The following ARRB2 variants were observed in gnomAD, a reference collection of about 807,000 sequenced individuals.
ARRB2 encodes the protein beta-arrestin-2.
In ARRB2, 21 loss-of-function variants were observed where a neutral mutation model predicts 53.4. The ratio of observed to expected loss-of-function variants is 0.39; its 90% CI spans 0.28 to 0.57. The LOEUF (loss-of-function observed/expected upper bound fraction) is 0.57. Ranked by LOEUF, ARRB2 falls within the 20% of genes least tolerant of loss-of-function variation. The pLI is 0.55. For missense variants in ARRB2, 369 were observed against 527.5 expected, an observed-to-expected ratio of 0.70 and a Z score of 2.94; for synonymous variants, 180 against 212.9, an observed-to-expected ratio of 0.85 and a Z score of 1.34.
intron 1 of ARRB2, among the ~76,000 whole-genome samples, chr17:4,712,988 ATTT>A (rs1374032894): frequency 1.1e-4 from 16 of 152,224 alleles, no homozygotes; most frequent in South Asian, 6.2e-4. Context: ...TAATTAATTT[ATTT>A]ATTTATTTAT....
intron 8 of ARRB2, 83 bp from the exon 9 acceptor site, chr17:4,718,178 C>A (rs1025123309): frequency 1.7e-5 from 26 of 1,545,580 alleles, no homozygotes; most frequent in Admixed American, 1.5e-4. Flanking sequence ...GGGGCCAGAA[C>A]AATGTGTCTG....
In ARRB2 at chr17:4,717,997, C is replaced by A; in HGVS notation, c.595C>A (p.His199Asn). 6.2e-7 allele frequency: 1 copy of A among 1,613,608 alleles called. No homozygotes were observed. The highest frequency in any genetic ancestry group is 8.5e-7 in the Non-Finnish European group (1 of 1,180,024). The change falls in exon 8 of 15, where the codon CAC becomes AAC. Residue 199 changes from histidine to asparagine, a missense_variant. Transcript: ENST00000269260. This position sits in a 1 kb window ranked among gnomAD's most constrained non-coding sequence, Gnocchi z 6.0. ...CTTCCTCATGTCTGACCGGTCCCTG[C>A]ACCTCGAGGCTTCCCTGGACAAGGA... ...RHFLMSDRSL[H>N]LEASLDKELY...
intron 9 of ARRB2, 103 bp downstream of exon 9, chr17:4,718,448 AC>A: frequency 7.3e-7 from 1 of 1,365,324 alleles, no homozygotes. Flanking sequence ...CGGGAGACCC[AC>A]CAGGGCTCAA....
intron 9 of ARRB2, 78 bp downstream of exon 9, chr17:4,718,423 G>T: frequency 1.3e-6 from 2 of 1,503,916 alleles, no homozygotes; most frequent in Non-Finnish European, 1.8e-6. Flanking sequence ...TCTCAGCCCA[G>T]GCCATTTCCC....
At chr17:4,715,086 C>G in intron 2 of ARRB2, 43 bp downstream of exon 2, 3 of 1,588,414 alleles carry the variant, frequency 1.9e-6, no homozygotes, top group African/African-American at 2.7e-5. Flanking sequence ...TCCCTGGGCC[C>G]CAACAAAGCC....
chr17:4,712,622 G>A (rs914234325), intron 1 of ARRB2, among the ~76,000 whole-genome samples: 1 of 152,354 alleles, frequency 6.6e-6, no homozygotes, highest in Admixed American at 6.5e-5. Context: ...GAGGCAGAGT[G>A]GATTGGAAGG....
In ARRB2 at chr17:4,719,388, G is replaced by A. The variant is rs763448737; in HGVS notation, c.885G>A (p.Lys295=). The A allele has an allele frequency of 1.2e-6, 2 of 1,614,144 alleles. No individual in the cohort carries two copies. Among genetic ancestry groups the A allele is most frequent in the Non-Finnish European group, 8.5e-7 (1 of 1,180,018 alleles). The change falls in exon 11 of 15, where the codon AAG becomes AAA. Residue 295 remains lysine (K), a synonymous_variant. Transcript: ENST00000269260. ...GTCTCGCCCTGGATGGGAAACTCAAGCACGAGGACACCAACCTGGCTTCCA... is the reference window on the plus strand; with the variant it reads ...GTCTCGCCCTGGATGGGAAACTCAAACACGAGGACACCAACCTGGCTTCCA... The part of the protein sequence containing the change: ...KRGLALDGKL[K]HEDTNLASST...
At chr17:4,711,637 A>C (rs1914422859) in intron 1 of ARRB2, among the ~76,000 whole-genome samples, 1 of 151,928 alleles carries the variant, frequency 6.6e-6, no homozygotes, top group Middle Eastern at 3.4e-3. Context: ...GAGTATGAGA[A>C]CCCGGGTTTC....
At chr17:4,715,578 C>CACACAT (rs1914912131) in intron 2 of ARRB2, 2 of 319,420 alleles carry the variant, frequency 6.3e-6, no homozygotes, top group South Asian at 6.0e-5. Context: ...GACACACACA[C>CACACAT]ACACACACGG....
chr17:4,712,593 C>T (rs780401003), intron 1 of ARRB2, among the ~76,000 whole-genome samples: 6 of 152,236 alleles, frequency 3.9e-5, no homozygotes, highest in Non-Finnish European at 8.8e-5. Context: ...TCTGAGGATC[C>T]TTTCCAGGGA....
chr17:4,712,602 G>C (rs989880303), intron 1 of ARRB2, among the ~76,000 whole-genome samples: 1 of 152,230 alleles, frequency 6.6e-6, no homozygotes, highest in Non-Finnish European at 1.5e-5. Flanking sequence ...CCTTTCCAGG[G>C]ATCACTGCTG....
rs781739413 is a variant in ARRB2, at chr17:4,716,563, G to A, written c.312G>A (p.Arg104=). 4.1e-6 allele frequency: 6 copies of A among 1,448,018 alleles called. No homozygotes were observed. Among genetic ancestry groups the A allele is most frequent in the Non-Finnish European group, 5.6e-6 (6 of 1,081,070 alleles). The allele number at this position is 1,448,018 out of a possible 1,614,324, so 89.7% of individuals were successfully genotyped here. The change falls in exon 5 of 15, where the codon CGG becomes CGA. Residue 104 remains arginine, a synonymous_variant. Transcript: ENST00000269260. ...GGCCCCCCACCCGCCTGCAGGACCG[G>A]CTGCTGAGGAAGCTGGGCCAGCATG... is the stretch of plus-strand genomic sequence containing the variant. ...PPRPPTRLQD[R]LLRKLGQHAH... is the part of the protein sequence containing the mutation.
rs1040930691 is a variant in ARRB2, at chr17:4,710,674, G to A, written c.-48G>A. On this transcript the variant is annotated 5_prime_UTR_variant, in exon 1 of 15. Coordinates refer to ENST00000269260, the MANE Select transcript of ARRB2 (RefSeq NM_004313.4). Reference sequence around the variant, plus strand: ...AGCAGGGATCTTGGCAGCGGGCGAGGAGGCTGCGAGCGAGCCGCGAACCGA... The same window carrying A: ...AGCAGGGATCTTGGCAGCGGGCGAGAAGGCTGCGAGCGAGCCGCGAACCGA... The A allele has an allele frequency of 3.3e-5, 13 of 398,488 alleles. No homozygotes were observed. Among genetic ancestry groups the A allele is most frequent in the Middle Eastern group, 5.8e-4 (1 of 1,732 alleles). The allele number at this position is 398,488 out of a possible 1,614,324, so 24.7% of individuals were successfully genotyped here. A position where few individuals can be genotyped will look rare whatever the true frequency, so the allele number is the denominator to read the frequency against.
Position 4,716,166 on chromosome 17 carries a change from C to T in ARRB2, c.135C>T (p.Asp45=), listed in dbSNP as rs1915008695. 6.2e-7 allele frequency: 1 copy of T among 1,614,022 alleles called. No homozygotes were observed. Among genetic ancestry groups the T allele is most frequent in the Admixed American group, 1.7e-5 (1 of 60,004 alleles). ...TCCTAGATGGCGTGGTGCTTGTGGA[C>T]CCTGACTACCTGAAGGACCGCAAAG... ...VDPVDGVVLV[D]PDYLKDRKVF... The change falls in exon 4 of 15, where the codon GAC becomes GAT. Residue 45 remains aspartate (D), a synonymous_variant. Coordinates refer to ENST00000269260, the MANE Select transcript of ARRB2 (RefSeq NM_004313.4).
Position 4,719,386 on chromosome 17 carries a change from AAGCACGAGG to A in ARRB2, c.885_893del (p.Lys295_Asp298delinsAsn). Reference sequence around the variant, plus strand: ...GGGTCTCGCCCTGGATGGGAAACTCAAGCACGAGGACACCAACCTGGCTTCCAGCACCAT... The same window carrying A: ...GGGTCTCGCCCTGGATGGGAAACTCAACACCAACCTGGCTTCCAGCACCAT... On this transcript the variant is annotated inframe_deletion, in exon 11 of 15. Coordinates refer to ENST00000269260, the MANE Select transcript of ARRB2 (RefSeq NM_004313.4). 1 of 1,614,096 alleles carries A rather than the reference AAGCACGAGG, an allele frequency of 6.2e-7. No individual in the cohort carries two copies. Among genetic ancestry groups the A allele is most frequent in the Non-Finnish European group, 8.5e-7 (1 of 1,180,004 alleles).
chr17:4,712,426 A>G (rs1266246329), intron 1 of ARRB2, among the ~76,000 whole-genome samples: 1 of 152,206 alleles, frequency 6.6e-6, no homozygotes, highest in Non-Finnish European at 1.5e-5. Flanking sequence ...TTGCTCTCCT[A>G]TATGCTCCAG....
At chr17:4,715,889 C>T in intron 2 of ARRB2, 84 bp from the exon 3 acceptor site, 1 of 1,510,770 alleles carries the variant, frequency 6.6e-7, no homozygotes, top group Admixed American at 1.7e-5. Context: ...CTGGAGATCC[C>T]CGGGCAGGGC....
chr17:4,718,647 G>T lies in ARRB2; in HGVS notation c.742G>T (p.Ala248Ser). The change falls in exon 10 of 15, where the codon GCC (alanine) becomes TCC (serine). Residue 248 changes from alanine to serine, a missense_variant. Physicochemically the swap from Ala to Ser is moderately conservative, Grantham distance 99. Transcript: ENST00000269260. Reference protein sequence around the residue: ...QYADICLFSTAQYKCPVAQLE... With the variant: ...QYADICLFSTSQYKCPVAQLE... Reference sequence around the variant, plus strand: ...CGCCGACATCTGCCTCTTCAGCACCGCCCAGTACAAGTGTCCTGTGGCTCA... The same window carrying T: ...CGCCGACATCTGCCTCTTCAGCACCTCCCAGTACAAGTGTCCTGTGGCTCA... 6.2e-7 allele frequency: 1 copy of T among 1,613,726 alleles called. No individual in the cohort carries two copies. Among genetic ancestry groups the T allele is most frequent in the Non-Finnish European group, 8.5e-7 (1 of 1,179,978 alleles).
At chr17:4,720,149 G>A in intron 11 of ARRB2, 67 bp from the exon 12 acceptor site, 2 of 1,519,116 alleles carry the variant, frequency 1.3e-6, no homozygotes, top group East Asian at 2.4e-5. Flanking sequence ...GTCCCCGTGG[G>A]AACCCCACGG....
Sources: gnomAD v4.1 joint callset for allele counts (sites outside exome capture counted in the v4.1 genomes callset) on GRCh38, gnomAD v4.1.1 for gene constraint, Gnocchi (gnomAD v3.1) non-coding constraint, MANE v1.5 for transcripts, NCBI Gene and HGNC (gene_info 2026-07-23, HGNC 2026-07-21) for gene names.